Variants in CRIM1 observed in about 807,000 individuals in gnomAD.
The protein encoded by CRIM1 is cysteine-rich motor neuron 1 protein.
CRIM1 carries 32 observed loss-of-function variants against 116.4 expected under a neutral mutation model. The observed-to-expected ratio is 0.27, with a 90% CI of 0.21 to 0.37. The LOEUF is 0.37. CRIM1 is among the 10% of genes least tolerant of loss of function. The probability of loss-of-function intolerance (pLI) is 1.00; values close to 1 mark genes in which losing one functional copy is unlikely to be tolerated. For synonymous variants in CRIM1, 590 were observed against 509.2 expected (o/e 1.16, Z -2.13); for missense variants, 1,331 against 1,354.8 (o/e 0.98, Z 0.28).
At chr2:36,365,628 G>A (rs574540097) in intron 1 of CRIM1, among the ~76,000 whole-genome samples, 6 of 152,320 alleles carry the variant, frequency 3.9e-5, no homozygotes, top group African/African-American at 7.2e-5. Context: ...GATATAGTGC[G>A]GGGTAGGAAG....
chr2:36,460,527 T>TGAATACTTAC (rs1558327666), intron 4 of CRIM1, among the ~76,000 whole-genome samples: 10 of 152,034 alleles, frequency 6.6e-5, no homozygotes, highest in African/African-American at 1.9e-4. Flanking sequence ...TGAATACTTA[T>TGAATACTTAC]CGTAAGTGAA....
chr2:36,504,404 T>G (rs1159421164), intron 8 of CRIM1, among the ~76,000 whole-genome samples: 1 of 152,238 alleles, frequency 6.6e-6, no homozygotes, highest in Non-Finnish European at 1.5e-5. Flanking sequence ...CTAGCATATT[T>G]TAGGCAGTCA....
chr2:36,450,366 G>A (rs1030370940), intron 4 of CRIM1, among the ~76,000 whole-genome samples: 1 of 152,134 alleles, frequency 6.6e-6, no homozygotes, highest in Non-Finnish European at 1.5e-5. Context: ...TTGTGTGTGT[G>A]TCTTCTCTGT....
At chr2:36,487,557 T>TG (rs1471615687) in intron 7 of CRIM1, among the ~76,000 whole-genome samples, 2 of 32,296 alleles carry the variant, frequency 6.2e-5, no homozygotes, top group African/African-American at 3.7e-4. Context: ...TGAAGTCTGG[T>TG]TTAAAAAAAA....
intron 1 of CRIM1, among the ~76,000 whole-genome samples, chr2:36,368,442 G>A (rs753869094): frequency 9.2e-5 from 14 of 152,210 alleles, no homozygotes; most frequent in Middle Eastern, 3.2e-3. Context: ...GTTGTCCAGC[G>A]GCAGGACGTT....
At chr2:36,368,006 A>G (rs577793975) in intron 1 of CRIM1, among the ~76,000 whole-genome samples, 5 of 152,210 alleles carry the variant, frequency 3.3e-5, no homozygotes, top group Non-Finnish European at 5.9e-5. Flanking sequence ...CCAAATTCAC[A>G]TGCTCATTTC....
chr2:36,462,420 G>T (rs1319882158), intron 4 of CRIM1, among the ~76,000 whole-genome samples: 1 of 152,222 alleles, frequency 6.6e-6, no homozygotes, highest in Non-Finnish European at 1.5e-5. Context: ...GGGGAAAAAA[G>T]ACTTCATGGC....
intron 4 of CRIM1, among the ~76,000 whole-genome samples, chr2:36,449,214 C>T (rs1406747832): frequency 1.3e-5 from 2 of 152,088 alleles, no homozygotes; most frequent in Non-Finnish European, 2.9e-5. Context: ...CAGAGCTCAA[C>T]ACAGGAGGCA....
chr2:36,380,245 G>A (rs1199614595), intron 1 of CRIM1, among the ~76,000 whole-genome samples: 1 of 152,184 alleles, frequency 6.6e-6, no homozygotes, highest in African/African-American at 2.4e-5. Context: ...ACCTGTTGAT[G>A]CTACACAGTT....
chr2:36,424,742 C>T (rs1447012875), intron 2 of CRIM1, among the ~76,000 whole-genome samples: 1 of 152,164 alleles, frequency 6.6e-6, no homozygotes, highest in Non-Finnish European at 1.5e-5. Flanking sequence ...CTAGTCTCTC[C>T]TTTCTCTAGT....
At chr2:36,407,849 T>G (rs1672927967) in intron 2 of CRIM1, among the ~76,000 whole-genome samples, 1 of 152,218 alleles carries the variant, frequency 6.6e-6, no homozygotes, top group South Asian at 2.1e-4. Flanking sequence ...AGTTGACATT[T>G]AGAGTGATAC....
intron 7 of CRIM1, among the ~76,000 whole-genome samples, chr2:36,484,238 C>T (rs761074099): frequency 2.6e-5 from 4 of 152,188 alleles, no homozygotes; most frequent in Admixed American, 2.0e-4. Context: ...GTTTTTAAGA[C>T]GCCTTGTGCA....
intron 7 of CRIM1, among the ~76,000 whole-genome samples, chr2:36,496,076 C>G (rs1680573111): frequency 6.6e-6 from 1 of 152,088 alleles, no homozygotes; most frequent in East Asian, 1.9e-4. Context: ...ATGTGTACAA[C>G]TCAACAGTTA....
chr2:36,406,474 A>G (rs1189303224), intron 2 of CRIM1, among the ~76,000 whole-genome samples: 2 of 152,174 alleles, frequency 1.3e-5, no homozygotes, highest in African/African-American at 2.4e-5. Flanking sequence ...ACCCACCCGG[A>G]AGGTGAGGTT....
intron 2 of CRIM1, among the ~76,000 whole-genome samples, chr2:36,429,271 A>T (rs1674688687): frequency 6.6e-6 from 1 of 152,196 alleles, no homozygotes; most frequent in Non-Finnish European, 1.5e-5. Context: ...TGGAATCATG[A>T]TGTCCCGTGA....
chr2:36,392,488 G>A (rs12465297), intron 1 of CRIM1, among the ~76,000 whole-genome samples: 110,317 of 151,692 alleles, frequency 0.73, 40,833 homozygotes, highest in East Asian at 0.98. Flanking sequence ...GAAACCAGGA[G>A]CTATGTTAGA....
intron 2 of CRIM1, among the ~76,000 whole-genome samples, chr2:36,414,726 G>A (rs1055794109): frequency 6.6e-5 from 10 of 152,198 alleles, no homozygotes; most frequent in African/African-American, 2.2e-4. Context: ...CCCAGTATGG[G>A]AGAAAGAGTT....
intron 13 of CRIM1, among the ~76,000 whole-genome samples, chr2:36,530,526 C>G (rs1404679734): frequency 3.9e-5 from 6 of 152,160 alleles, no homozygotes; most frequent in Admixed American, 3.9e-4. Flanking sequence ...ATTTCAGTGT[C>G]TTGTTAGAAA....
chr2:36,509,624 T>C (rs1332736576), intron 8 of CRIM1, among the ~76,000 whole-genome samples: 1 of 152,188 alleles, frequency 6.6e-6, no homozygotes, highest in African/African-American at 2.4e-5. Context: ...TCCCACATAA[T>C]GTAAATGGTC....
Sources: gnomAD v4.1 joint callset for allele counts (sites outside exome capture counted in the v4.1 genomes callset) on GRCh38, gnomAD v4.1.1 for gene constraint, MANE v1.5 for transcripts, NCBI Gene and HGNC (gene_info 2026-07-23, HGNC 2026-07-21) for gene names.